The following KRT38 variants were observed in gnomAD, a reference collection of about 807,000 sequenced individuals.
KRT38 encodes keratin, type I cuticular Ha8.
KRT38 carries 45 observed loss-of-function variants against 43.1 expected under a neutral mutation model. The observed-to-expected ratio is 1.04, with a 90% confidence interval of 0.82 to 1.34. The LOEUF (loss-of-function observed/expected upper bound fraction) is 1.34, where lower values mean the gene tolerates loss of function less well. Among genes scored for constraint, KRT38 ranks in the 40% most tolerant of loss-of-function variants. KRT38 has a pLI of 0.00. For synonymous variants in KRT38, 258 were observed against 244.0 expected (o/e 1.06, Z -0.53); for missense variants, 627 against 586.2 (o/e 1.07, Z -0.72).
At position 41,436,219 on chromosome 17, in the gene KRT38, G is replaced by T. The variant is rs573988564; in HGVS notation, c.*1193C>A. Among the ~76,000 whole-genome samples the T allele has an allele frequency of 6.6e-6, 1 of 152,154 alleles. No homozygotes were observed. The highest frequency in any genetic ancestry group is 2.4e-5 in the African/African-American group (1 of 41,438). On this transcript the variant is annotated 3_prime_UTR_variant, in exon 7 of 7. Transcript: ENST00000246646. Reference sequence around the variant, plus strand: ...ACCAAGCAGTGGGCTAGGCTCTGGGGATGCAGCAATGAACAATTGTTAATC... The same window carrying T: ...ACCAAGCAGTGGGCTAGGCTCTGGGTATGCAGCAATGAACAATTGTTAATC...
chr17:41,439,751 C>G (rs2018774483), intron 2 of KRT38, among the ~76,000 whole-genome samples: 1 of 152,128 alleles, frequency 6.6e-6, no homozygotes, highest in Non-Finnish European at 1.5e-5. Context: ...TTTCAGCTGT[C>G]TTCCCCTCTC....
chr17:41,439,445 T>A (rs2018771343), intron 2 of KRT38, 86 bp from the exon 3 acceptor site: 1 of 1,462,668 alleles, frequency 6.8e-7, no homozygotes. Flanking sequence ...CCACACCACC[T>A]TGGATCCTCA....
At position 41,438,182 on chromosome 17, in the gene KRT38, G is replaced by C; in HGVS notation, c.1152C>G (p.Asn384Lys). 6.2e-7 allele frequency: 1 copy of C among 1,614,166 alleles called. No individual in the cohort carries two copies. The highest frequency in any genetic ancestry group is 8.5e-7 in the Non-Finnish European group (1 of 1,180,048). The change falls in exon 6 of 7, where the codon AAC (asparagine) becomes AAG (lysine). Residue 384 changes from asparagine to lysine, a missense_variant. Coordinates refer to ENST00000246646, the MANE Select transcript of KRT38 (RefSeq NM_006771.4). ...SEIRADLERQ[N>K]QEYQVLLDVK... Reference sequence around the variant, plus strand: ...CGTCCAGCAGCACCTGGTACTCCTGGTTTTGCCGCTCCAGGTCGGCCCGGA... The same window carrying C: ...CGTCCAGCAGCACCTGGTACTCCTGCTTTTGCCGCTCCAGGTCGGCCCGGA...
In KRT38 at chr17:41,437,436, G is replaced by A. The variant is rs1411139706; in HGVS notation, c.1347C>T (p.Ala449=). The change falls in exon 7 of 7, where the codon GCC becomes GCT. Residue 449 remains alanine, a synonymous_variant. Transcript: ENST00000246646. ...PCTTCGPTCG[A]STTGSRF Reference sequence around the variant, plus strand: ...TTCAGAATCGGCTTCCGGTGGTGCTGGCTCCACAGGTGGGCCCACAGGTGG... The same window carrying A: ...TTCAGAATCGGCTTCCGGTGGTGCTAGCTCCACAGGTGGGCCCACAGGTGG... 14 of 1,567,984 alleles carry A rather than the reference G, an allele frequency of 8.9e-6. No homozygotes were observed. In the South Asian group the frequency reaches 1.1e-4, roughly 12 times the overall value.
In KRT38 at chr17:41,440,556, C is replaced by T; in HGVS notation, c.366G>A (p.Val122=). ...CCGCATTCTCCTGCTCCAGCTGGCG[C>T]ACCTTCTCCAGGTAGTTGGCCAGGC... The part of the protein sequence containing the change: ...NDRLANYLEK[V]RQLEQENAEL... Residue 122 remains valine (V), a synonymous_variant, in exon 1 of 7, where the codon GTG becomes GTA. Coordinates refer to ENST00000246646, the MANE Select transcript of KRT38 (RefSeq NM_006771.4). 2 of 1,614,232 alleles carry T rather than the reference C, an allele frequency of 1.2e-6. No homozygotes were observed. The highest frequency in any genetic ancestry group is 2.2e-5 in the South Asian group (2 of 91,084).
chr17:41,440,327 A>C, intron 1 of KRT38, 84 bp from the exon 2 acceptor site: 1 of 1,598,912 alleles, frequency 6.3e-7, no homozygotes, highest in East Asian at 2.2e-5. Flanking sequence ...GATCATGTCC[A>C]AGAGAAACCA....
intron 3 of KRT38, 152 bp from the exon 4 acceptor site, chr17:41,439,010 GCC>G: frequency 8.0e-7 from 1 of 1,252,512 alleles, no homozygotes; most frequent in Non-Finnish European, 1.1e-6. Flanking sequence ...ATTCGGGAGA[GCC>G]CACCTGCACA....
chr17:41,439,729 C>G (rs77243776), intron 2 of KRT38, among the ~76,000 whole-genome samples: 4,137 of 152,302 alleles, frequency 0.027, 77 homozygotes, highest in Non-Finnish European at 0.044. Context: ...TCTGCGGCTC[C>G]TTATCCCTTG....
chr17:41,439,976 A>G (rs780550676), intron 2 of KRT38, among the ~76,000 whole-genome samples, 185 bp downstream of exon 2: 49 of 152,208 alleles, frequency 3.2e-4, no homozygotes, highest in Non-Finnish European at 6.2e-4. Flanking sequence ...GAAGACAAAC[A>G]TATATGCTTG....
rs1230510598 is a variant in KRT38, at chr17:41,439,298, G to T, written c.637C>A (p.Leu213Ile). The T allele has an allele frequency of 6.2e-7, 1 of 1,614,206 alleles. No individual in the cohort carries two copies. Among genetic ancestry groups the T allele is most frequent in the Admixed American group, 1.7e-5 (1 of 60,036 alleles). Residue 213 changes from leucine to isoleucine, a missense_variant, in exon 3 of 7, where the codon CTC becomes ATC. Coordinates refer to ENST00000246646, the MANE Select transcript of KRT38 (RefSeq NM_006771.4). Reference sequence around the variant, plus strand: ...TTGGCCAGGGTCGCATCATCCAGGAGCTTCTGTGTCCCACACTTGTCTGCC... The same window carrying T: ...TTGGCCAGGGTCGCATCATCCAGGATCTTCTGTGTCCCACACTTGTCTGCC... The part of the protein sequence containing the change: ...VEADKCGTQK[L>I]LDDATLAKAD...
rs2018735592 is a variant in KRT38 at position 41,437,254 on chromosome 17, G to A, written c.*158C>T. 5 of 747,478 alleles carry A rather than the reference G, an allele frequency of 6.7e-6. No individual in the cohort carries two copies. The highest frequency in any genetic ancestry group is 5.2e-5 in the South Asian group (1 of 19,072). The allele number at this position is 747,478 out of a possible 1,614,324, so 46.3% of individuals were successfully genotyped here. A position where few individuals can be genotyped will look rare whatever the true frequency, so the allele number is the denominator to read the frequency against. On this transcript the variant is annotated 3_prime_UTR_variant, in exon 7 of 7. Transcript: ENST00000246646. ...CCTGGGAAAACCAAGAGCAGGAAAG[G>A]AAGGATTTCCATCAAGATTCCACTG...
intron 3 of KRT38, 149 bp from the exon 4 acceptor site, chr17:41,439,007 A>G: frequency 7.9e-7 from 1 of 1,260,518 alleles, no homozygotes; most frequent in Non-Finnish European, 1.1e-6. Context: ...GGCATTCGGG[A>G]GAGCCCACCT....
At position 41,436,830 on chromosome 17, in the gene KRT38, T is replaced by A. The variant is rs951758219; in HGVS notation, c.*582A>T. 1 of 152,230 alleles carries A rather than the reference T, an allele frequency of 6.6e-6. No individual in the cohort carries two copies. The highest frequency in any genetic ancestry group is 2.4e-5 in the African/African-American group (1 of 41,464). 9.4% of individuals were successfully genotyped at this position (152,230 alleles called of 1,614,324 possible). ...GGTCCTTTGTCAAAGCTAGAAACCC[T>A]GAAGTAGAGAAAACTCAGGATTTGA... On this transcript the variant is annotated 3_prime_UTR_variant, in exon 7 of 7. Transcript: ENST00000246646.
Position 41,438,237 on chromosome 17 carries a change from A to T in KRT38, c.1097T>A (p.Ile366Asn). The change falls in exon 6 of 7, where the codon ATC becomes AAC. Residue 366 changes from isoleucine to asparagine, a missense_variant. Transcript: ENST00000246646. ...GTELAQMQSL[I>N]SNVEEQLSEI... ...AGACAGCTGCTCCTCCACGTTGCTGATGAGGCTCTGCATCTGGGCCAGCTC... is the reference window on the plus strand; with the variant it reads ...AGACAGCTGCTCCTCCACGTTGCTGTTGAGGCTCTGCATCTGGGCCAGCTC... 1 of 1,614,116 alleles carries T rather than the reference A, an allele frequency of 6.2e-7. No individual in the cohort carries two copies. The highest frequency in any genetic ancestry group is 8.5e-7 in the Non-Finnish European group (1 of 1,180,008).
At position 41,440,677 on chromosome 17, in the gene KRT38, G is replaced by A. The variant is rs776399205; in HGVS notation, c.245C>T (p.Thr82Ile). Residue 82 changes from threonine (T) to isoleucine (I), a missense_variant, in exon 1 of 7, where the codon ACC (threonine) becomes ATC (isoleucine). Transcript: ENST00000246646. ...TCCAATGTTGCCAGGAATGTGGCAG[G>A]TCCCTGGCAAGGGACAAGCAGTGTG... is the stretch of plus-strand genomic sequence containing the variant. ...TCHTACPLPG[T>I]CHIPGNIGIC... The A allele has an allele frequency of 1.9e-6, 3 of 1,614,198 alleles. No homozygotes were observed. The South Asian group carries it at 3.3e-5, about 18-fold the overall frequency.
In KRT38 at chr17:41,439,195, G is replaced by A. The variant is rs748933887; in HGVS notation, c.732+8C>T. On this transcript the variant is annotated splice_region_variant and intron_variant, in intron 3 of 6. Transcript: ENST00000246646. Reference sequence around the variant, plus strand: ...CCTCCCCAGGAGTTTGAGCGCCCAGGGCCACACCTGCTCGTGGTTGCTCTT... The same window carrying A: ...CCTCCCCAGGAGTTTGAGCGCCCAGAGCCACACCTGCTCGTGGTTGCTCTT... 8 of 1,612,844 alleles carry A rather than the reference G, an allele frequency of 5.0e-6. No individual in the cohort carries two copies. Among genetic ancestry groups the A allele is most frequent in the Non-Finnish European group, 1.7e-6 (2 of 1,179,596 alleles).
chr17:41,438,041 T>G, intron 6 of KRT38, 52 bp downstream of exon 6: 1 of 1,570,064 alleles, frequency 6.4e-7, no homozygotes, highest in East Asian at 2.2e-5. Context: ...CCTGAGGACC[T>G]CATCAGAATT....
intron 5 of KRT38, 61 bp downstream of exon 5, chr17:41,438,430 A>C: frequency 6.2e-7 from 1 of 1,611,200 alleles, no homozygotes; most frequent in Admixed American, 1.7e-5. Context: ...CCTCCAAAAT[A>C]AAATGCTACT....
Position 41,438,251 on chromosome 17 carries a change from C to A in KRT38, c.1083G>T (p.Gln361His). 5.0e-6 allele frequency: 8 copies of A among 1,614,178 alleles called. No individual in the cohort carries two copies. The highest frequency in any genetic ancestry group is 6.8e-6 in the Non-Finnish European group (8 of 1,180,030). The change falls in exon 6 of 7, where the codon CAG becomes CAT. Residue 361 changes from glutamine (Q) to histidine (H), a missense_variant. Transcript: ENST00000246646. ...CCACGTTGCTGATGAGGCTCTGCATCTGGGCCAGCTCCGTGCCGAAGCGGT... is the reference window on the plus strand; with the variant it reads ...CCACGTTGCTGATGAGGCTCTGCATATGGGCCAGCTCCGTGCCGAAGCGGT... ...AEDRFGTELAQMQSLISNVEE... is the reference protein window; with the variant it reads ...AEDRFGTELAHMQSLISNVEE...
Sources: allele counts gnomAD v4.1 joint callset (sites outside exome capture counted in the v4.1 genomes callset), GRCh38; gene constraint gnomAD v4.1.1; transcripts MANE v1.5; gene names NCBI Gene and HGNC (gene_info 2026-07-23, HGNC 2026-07-21).